CDH23: variants seen among roughly 807,000 people sequenced by gnomAD.
CDH23 encodes the protein cadherin related 23, also known as cadherin-23.
A neutral mutation model predicts 317.1 loss-of-function variants in CDH23; 189 were observed. The observed-to-expected ratio is 0.60, with a 90% confidence interval of 0.53 to 0.67. The LOEUF (loss-of-function observed/expected upper bound fraction) is 0.67, where lower values mean the gene tolerates loss of function less well. CDH23 is among the 30% of genes least tolerant of loss of function. The pLI is 0.00. For missense variants in CDH23, 4,401 were observed against 4,592.4 expected, an observed-to-expected ratio of 0.96 and a Z score of 1.20; for synonymous variants, 1,839 against 1,876.8, an observed-to-expected ratio of 0.98 and a Z score of 0.52.
chr10:71,720,230 G>A (rs1386050375), intron 28 of CDH23, among the ~76,000 whole-genome samples: 1 of 152,152 alleles, frequency 6.6e-6, no homozygotes, highest in Non-Finnish European at 1.5e-5. Flanking sequence ...TTCCTTCCAG[G>A]CTTTTCCCTC....
At chr10:71,401,657 AC>A (rs1356425243) in intron 1 of CDH23, among the ~76,000 whole-genome samples, 2 of 152,134 alleles carry the variant, frequency 1.3e-5, no homozygotes, top group Non-Finnish European at 2.9e-5. Flanking sequence ...AGCATGTAAC[AC>A]AATAGGGAGT....
intron 1 of CDH23, among the ~76,000 whole-genome samples, chr10:71,438,085 A>G (rs1849696832): frequency 6.6e-6 from 1 of 152,222 alleles, no homozygotes; most frequent in Non-Finnish European, 1.5e-5. Flanking sequence ...TCACGCCTGT[A>G]ATCCCAGCAC....
chr10:71,708,026 G>A (rs1391388243), intron 26 of CDH23, among the ~76,000 whole-genome samples: 2 of 152,096 alleles, frequency 1.3e-5, no homozygotes, highest in East Asian at 1.9e-4. Context: ...CCCTCAAGTC[G>A]GCCCTAGGGA....
At chr10:71,682,361 C>G (rs1864688136) in intron 17 of CDH23, 84 bp from the exon 18 acceptor site, 1 of 1,544,966 alleles carries the variant, frequency 6.5e-7, no homozygotes, top group Non-Finnish European at 8.8e-7. Context: ...CCAGCCATAA[C>G]TTCTCTGCCC....
intron 30 of CDH23, among the ~76,000 whole-genome samples, chr10:71,726,078 C>T (rs1178866889): frequency 3.3e-5 from 5 of 152,166 alleles, no homozygotes; most frequent in African/African-American, 1.2e-4. Flanking sequence ...AGCCTTAGTC[C>T]TCCCGAATGG....
intron 19 of CDH23, among the ~76,000 whole-genome samples, chr10:71,690,135 A>C (rs1480584574): frequency 1.3e-5 from 2 of 152,188 alleles, no homozygotes; most frequent in African/African-American, 4.8e-5. Context: ...TCCAAGTGAC[A>C]GTTGGCCAAT....
chr10:71,793,394 G>A lies in CDH23; in HGVS notation c.6466G>A (p.Gly2156Ser). The A allele has an allele frequency of 6.2e-7, 1 of 1,613,954 alleles. No homozygotes were observed. Among genetic ancestry groups the A allele is most frequent in the South Asian group, 1.1e-5 (1 of 91,076 alleles). The change falls in exon 48 of 70, where the codon GGC becomes AGC. Residue 2156 changes from glycine to serine, a missense_variant. Around this residue, in one of 3 missense-constraint regions of CDH23, gnomAD observed 3,068 missense variants for 3,203.3 expected, o/e 0.96. Transcript: ENST00000224721. ...CGACCGGGGCACCGTTCCTCTCTCGGGCACAGCCATTGTCACCATTCTGAT... is the reference window on the plus strand; with the variant it reads ...CGACCGGGGCACCGTTCCTCTCTCGAGCACAGCCATTGTCACCATTCTGAT... ...ATDRGTVPLS[G>S]TAIVTILIDD...
intron 18 of CDH23, among the ~76,000 whole-genome samples, chr10:71,684,036 G>T (rs924398391): frequency 1.3e-5 from 2 of 151,640 alleles, no homozygotes; most frequent in Admixed American, 1.3e-4. Flanking sequence ...AGCCGAGATC[G>T]CACCATTGCA....
chr10:71,596,884 C>T (rs1859885505), intron 9 of CDH23, among the ~76,000 whole-genome samples: 1 of 152,206 alleles, frequency 6.6e-6, no homozygotes, highest in Non-Finnish European at 1.5e-5. Flanking sequence ...GCCTGCCTCC[C>T]AGCCCCGGTC....
chr10:71,593,453 A>G (rs1037815957), intron 9 of CDH23, among the ~76,000 whole-genome samples: 4 of 152,250 alleles, frequency 2.6e-5, no homozygotes, highest in East Asian at 1.9e-4. Context: ...AGCACATGCC[A>G]TAGAAGAAAA....
chr10:71,570,904 G>A lies in CDH23; in HGVS notation c.739G>A (p.Glu247Lys). Residue 247 changes from glutamate (E) to lysine (K), a missense_variant, in exon 8 of 70, where the codon GAG becomes AAG. Physicochemically the swap from Glu to Lys is moderately conservative, Grantham distance 56 (BLOSUM62 1). Coordinates refer to ENST00000224721, the MANE Select transcript of CDH23 (RefSeq NM_022124.6). ...INLPYSTNIY[E>K]HSPPGTTVRI... ...CCTGCCTTACAGCACCAACATCTAC[G>A]AGCATTCTCCTCCGGTAAGACTCCT... 4.3e-6 allele frequency: 7 copies of A among 1,613,902 alleles called. No individual in the cohort carries two copies. The highest frequency in any genetic ancestry group is 5.1e-6 in the Non-Finnish European group (6 of 1,179,850).
At chr10:71,656,932 G>A (rs1269426459) in intron 14 of CDH23, among the ~76,000 whole-genome samples, 1 of 152,160 alleles carries the variant, frequency 6.6e-6, no homozygotes, top group Non-Finnish European at 1.5e-5. Flanking sequence ...AGGGGATGGA[G>A]GGGACCAGGG....
At chr10:71,530,782 A>T (rs1855330496) in intron 6 of CDH23, among the ~76,000 whole-genome samples, 1 of 152,234 alleles carries the variant, frequency 6.6e-6, no homozygotes, top group African/African-American at 2.4e-5. Context: ...CTTACCGAAC[A>T]TGTCCCATGG....
chr10:71,504,067 A>G (rs1201121755), intron 3 of CDH23, among the ~76,000 whole-genome samples: 3 of 152,136 alleles, frequency 2.0e-5, no homozygotes, highest in Admixed American at 1.3e-4. Flanking sequence ...TAAAATATAC[A>G]TAACATGAAA....
chr10:71,412,620 C>T (rs565554506), intron 1 of CDH23, among the ~76,000 whole-genome samples: 10 of 152,292 alleles, frequency 6.6e-5, no homozygotes, highest in African/African-American at 2.4e-4. Flanking sequence ...GTGATCTTCA[C>T]GCCTCAGCTT....
At chr10:71,643,493 C>G (rs1336097291) in intron 11 of CDH23, among the ~76,000 whole-genome samples, 3 of 152,102 alleles carry the variant, frequency 2.0e-5, no homozygotes, top group African/African-American at 7.2e-5. Context: ...ATGGCCCCTC[C>G]CATCCCAGCC....
At chr10:71,711,375 T>C (rs1865963497) in intron 27 of CDH23, among the ~76,000 whole-genome samples, 1 of 152,200 alleles carries the variant, frequency 6.6e-6, no homozygotes, top group Non-Finnish European at 1.5e-5. Flanking sequence ...TATGGTCAGC[T>C]GGCCTGGGGA....
chr10:71,408,664 CTG>C (rs1848219393), intron 1 of CDH23, among the ~76,000 whole-genome samples: 1 of 152,178 alleles, frequency 6.6e-6, no homozygotes, highest in African/African-American at 2.4e-5. Flanking sequence ...CTGTTGGAAA[CTG>C]GAGCTCAGGC....
At chr10:71,778,343 G>A (rs748883747) in intron 40 of CDH23, 35 bp downstream of exon 40, 3 of 1,612,518 alleles carry the variant, frequency 1.9e-6, no homozygotes, top group Non-Finnish European at 1.7e-6. Flanking sequence ...ACTTGGGCTT[G>A]GAGGTTGGCG....
Sources: allele counts gnomAD v4.1 joint callset (sites outside exome capture counted in the v4.1 genomes callset), GRCh38; gene constraint gnomAD v4.1.1; regional missense constraint gnomAD v4.1.1; transcripts MANE v1.5; gene names NCBI Gene and HGNC (gene_info 2026-07-23, HGNC 2026-07-21).